ADGRG5: variants seen among roughly 807,000 people sequenced by gnomAD.
The protein encoded by ADGRG5 is G protein-coupled receptor 114.
ADGRG5 carries 37 observed loss-of-function variants against 53.2 expected under a neutral mutation model. The observed-to-expected ratio is 0.70, with a 90% CI of 0.53 to 0.91. The LOEUF (loss-of-function observed/expected upper bound fraction) is 0.91, where lower values mean the gene tolerates loss of function less well. Among genes scored for constraint, ADGRG5 ranks in the 40% least tolerant of loss-of-function variants. The pLI is 0.00. For missense variants in ADGRG5, 614 were observed against 675.8 expected, an observed-to-expected ratio of 0.91 and a Z score of 1.01; for synonymous variants, 277 against 290.4, an observed-to-expected ratio of 0.95 and a Z score of 0.47.
the ADGRG5 span, among the ~76,000 whole-genome samples, chr16:57,534,878 C>T: frequency 5.7e-3 from 863 of 152,310 alleles, 18 homozygotes; most frequent in South Asian, 0.068. Context: ...CCTAATTGAC[C>T]CACTGGGAAC....
chr16:57,566,659 G>T lies in ADGRG5; in HGVS notation c.607G>T (p.Gly203Cys), dbSNP rs140617670. 7.8e-5 allele frequency: 124 copies of T among 1,592,102 alleles called. 2 individuals carry two copies. In the South Asian group the frequency reaches 1.0e-3, roughly 13 times the overall value. The change falls in exon 7 of 12, where the codon GGC (glycine) becomes TGC (cysteine). Residue 203 changes from glycine to cysteine, a missense_variant. Transcript: ENST00000349457. The stretch of plus-strand genomic sequence containing the variant: ...GGGAGCCAGGAAACAGCCCTGGGGG[G>T]GCTGGAGCCCTGAGGGCTGTCGTAC... Reference protein sequence around the residue: ...KEGARKQPWGGWSPEGCRTEQ... With the variant: ...KEGARKQPWGCWSPEGCRTEQ...
In ADGRG5 at chr16:57,576,832, G is replaced by A. The variant is rs1401727604; in HGVS notation, c.*1294G>A. ...AGGGTGCTCAGGTGGTGGGTGCTCA[G>A]GGCCCTGCCCCAGGCCACTGGGCCG... On this transcript the variant is annotated 3_prime_UTR_variant, in exon 12 of 12. Coordinates refer to ENST00000349457, the MANE Select transcript of ADGRG5 (RefSeq NM_001304376.3). 1 of 152,274 alleles carries A rather than the reference G, an allele frequency of 6.6e-6. No individual in the cohort carries two copies. Among genetic ancestry groups the A allele is most frequent in the Non-Finnish European group, 1.5e-5 (1 of 68,068 alleles). The allele number at this position is 152,274 out of a possible 1,614,324, so 9.4% of individuals were successfully genotyped here.
At chr16:57,544,873 G>T (rs1439056621) in intron 1 of ADGRG5, among the ~76,000 whole-genome samples, 9 of 152,134 alleles carry the variant, frequency 5.9e-5, no homozygotes, top group African/African-American at 1.9e-4. Flanking sequence ...CCAGGCTCAA[G>T]TAATCCTCTC....
upstream of ADGRG5, among the ~76,000 whole-genome samples, chr16:57,540,085 A>T (rs529572073): frequency 4.6e-5 from 7 of 152,206 alleles, no homozygotes; most frequent in African/African-American, 1.7e-4. Context: ...TCTACTAAAA[A>T]TACAAAAATT....
the ADGRG5 span, chr16:57,529,436 C>T: frequency 4.4e-6 from 1 of 225,026 alleles, no homozygotes; most frequent in Admixed American, 6.1e-5. This position sits in a 1 kb window ranked among gnomAD's most constrained non-coding sequence, Gnocchi z 4.1. Flanking sequence ...GGAGAGAGTT[C>T]TGTTCCAGGA....
intron 10 of ADGRG5, among the ~76,000 whole-genome samples, chr16:57,572,422 C>T (rs1190492583): frequency 3.9e-5 from 6 of 152,190 alleles, no homozygotes; most frequent in African/African-American, 1.4e-4. Flanking sequence ...TTGCAGTGAG[C>T]TGAGATCGCC....
rs550340662 is a variant in ADGRG5, at chr16:57,576,712, A to C, written c.*1174A>C. On this transcript the variant is annotated 3_prime_UTR_variant, in exon 12 of 12. Coordinates refer to ENST00000349457, the MANE Select transcript of ADGRG5 (RefSeq NM_001304376.3). ...ACCCATTTCCTCCAGGAGGAAAGGC[A>C]AGACACGCTTACACGGCCATTTGTC... 2.0e-5 allele frequency: 3 copies of C among 152,366 alleles called. No individual in the cohort carries two copies. The highest frequency in any genetic ancestry group is 4.1e-4 in the South Asian group (2 of 4,830). The allele number at this position is 152,366 out of a possible 1,614,324, so 9.4% of individuals were successfully genotyped here. A position where few individuals can be genotyped will look rare whatever the true frequency, so the allele number is the denominator to read the frequency against.
upstream of ADGRG5, among the ~76,000 whole-genome samples, chr16:57,538,179 G>A (rs57921705): frequency 0.046 from 7,069 of 152,226 alleles, 509 homozygotes; most frequent in African/African-American, 0.15. Context: ...CTAGGGTGGG[G>A]TGACGTGACC....
At chr16:57,539,979 A>G (rs1002563976), upstream of ADGRG5, among the ~76,000 whole-genome samples, 2 of 152,140 alleles carry the variant, frequency 1.3e-5, no homozygotes, top group Non-Finnish European at 2.9e-5. Flanking sequence ...AGTGGCTCAC[A>G]CCTGTAATCC....
intron 1 of ADGRG5, among the ~76,000 whole-genome samples, chr16:57,553,181 C>T (rs1016708155): frequency 2.6e-5 from 4 of 152,100 alleles, no homozygotes; most frequent in African/African-American, 9.7e-5. Flanking sequence ...TAAGTGAACA[C>T]TTACTATTGG....
intron 1 of ADGRG5, among the ~76,000 whole-genome samples, chr16:57,561,061 G>A (rs1222205832): frequency 1.3e-5 from 2 of 152,234 alleles, no homozygotes; most frequent in African/African-American, 2.4e-5. Flanking sequence ...TCACAGGCAT[G>A]AGCCGCCATG....
chr16:57,543,087 G>A (rs1187291303), intron 1 of ADGRG5: 1 of 152,110 alleles, frequency 6.6e-6, no homozygotes, highest in Non-Finnish European at 1.5e-5. Flanking sequence ...TAGAGGACCT[G>A]GCACACAGTT....
rs145937502 is a variant in ADGRG5, at chr16:57,561,066, G to T, written c.-38-990G>T. Among the ~76,000 whole-genome samples, 7 of 152,296 alleles carry T rather than the reference G, an allele frequency of 4.6e-5. 1 individual carries two copies. The Middle Eastern group carries it at 0.02, about 444-fold the overall frequency. On this transcript the variant is annotated intron_variant, in intron 1 of 11. Transcript: ENST00000349457. ...AGAGTTGGGATCACAGGCATGAGCC[G>T]CCATGCCTGGCCAACAATCGCTGTT...
At chr16:57,563,711 A>C in intron 4 of ADGRG5, 137 bp from the exon 5 acceptor site, 1 of 1,077,156 alleles carries the variant, frequency 9.3e-7, no homozygotes, top group Non-Finnish European at 1.4e-6. Flanking sequence ...GTTTGGGAGG[A>C]GATGCAGCCT....
the ADGRG5 span, among the ~76,000 whole-genome samples, chr16:57,530,903 G>C: frequency 1.6e-4 from 25 of 151,830 alleles, no homozygotes; most frequent in Non-Finnish European, 3.5e-4. Context: ...CCAGTCCCCT[G>C]TGACGGTGTG....
the ADGRG5 span, among the ~76,000 whole-genome samples, chr16:57,532,071 G>A: frequency 1.3e-5 from 2 of 152,148 alleles, no homozygotes; most frequent in African/African-American, 2.4e-5. Flanking sequence ...GTAAGCCACT[G>A]TCCCTTTCTG....
At position 57,574,995 on chromosome 16, in the gene ADGRG5, C is replaced by T. The variant is rs536425934; in HGVS notation, c.1389C>T (p.Thr463=). Reference sequence around the variant, plus strand: ...ACACTGTCACTGTGCTGGGCCTCACCGTGCTGCTGGGAACCACCTGGGCCT... The same window carrying T: ...ACACTGTCACTGTGCTGGGCCTCACTGTGCTGCTGGGAACCACCTGGGCCT... The part of the protein sequence containing the change: ...CHDTVTVLGL[T]VLLGTTWALA... Residue 463 remains threonine, a synonymous_variant, in exon 11 of 12, where the codon ACC becomes ACT. Transcript: ENST00000349457. This position sits in a 1 kb window ranked among gnomAD's most constrained non-coding sequence, Gnocchi z 4.4. 83 of 1,613,878 alleles carry T rather than the reference C, an allele frequency of 5.1e-5. 1 individual carries two copies. In the East Asian group the frequency reaches 7.8e-4, roughly 15 times the overall value.
rs1013501638 is a variant in ADGRG5 at position 57,575,375 on chromosome 16, A to C, written c.1487-63A>C. 11 of 1,487,754 alleles carry C rather than the reference A, an allele frequency of 7.4e-6. No homozygotes were observed. The South Asian group carries it at 1.0e-4, about 14-fold the overall frequency. 92.2% of individuals were successfully genotyped at this position (1,487,754 alleles called of 1,614,324 possible). A position where few individuals can be genotyped will look rare whatever the true frequency, so the allele number is the denominator to read the frequency against. On this transcript the variant is annotated intron_variant, in intron 11 of 11. Transcript: ENST00000349457. ...CAGGGAGGCCAGCTCGCTGCAGCCA[A>C]GGAGACCCTGGCCTTTGGGGAAGCC... is the stretch of plus-strand genomic sequence containing the variant.
the ADGRG5 span, among the ~76,000 whole-genome samples, chr16:57,534,718 G>C: frequency 6.6e-6 from 1 of 152,216 alleles, no homozygotes; most frequent in Admixed American, 6.5e-5. Flanking sequence ...TGACCATGCA[G>C]AGTTTGGGAA....
Sources: allele counts gnomAD v4.1 joint callset (sites outside exome capture counted in the v4.1 genomes callset), GRCh38; gene constraint gnomAD v4.1.1; non-coding constraint Gnocchi (gnomAD v3.1); transcripts MANE v1.5; gene names NCBI Gene and HGNC (gene_info 2026-07-23, HGNC 2026-07-21).